The following HMGCLL1 variants were observed in gnomAD, a reference collection of about 807,000 sequenced individuals.
The protein encoded by HMGCLL1 is 3-hydroxy-3-methylglutaryl-CoA lyase like 1.
In HMGCLL1, 36 loss-of-function variants were observed where a neutral mutation model predicts 39.1. The ratio of observed to expected loss-of-function variants is 0.92; its 90% CI spans 0.71 to 1.22. The LOEUF is 1.22. HMGCLL1 is among the 50% of genes most tolerant of loss of function. The probability of loss-of-function intolerance (pLI) is 0.00; values close to 1 mark genes in which losing one functional copy is unlikely to be tolerated. For synonymous variants in HMGCLL1, 149 were observed against 144.0 expected, an observed-to-expected ratio of 1.03 and a Z score of -0.25; for missense variants, 451 against 416.5, an observed-to-expected ratio of 1.08 and a Z score of -0.72.
Position 55,533,690 on chromosome 6 carries a change from T to A in HMGCLL1, c.297+8039A>T, listed in dbSNP as rs563766406. ...TCACGAGGTCAGGAGATCGAGACCA[T>A]CCTGGCTAACACGGTGAAACCCCGT... On this transcript the variant is annotated intron_variant, in intron 3 of 8. Coordinates refer to ENST00000274901, the MANE Select transcript of HMGCLL1 (RefSeq NM_001042406.2). Among the ~76,000 whole-genome samples the A allele has an allele frequency of 7.2e-4, 109 of 150,878 alleles. 1 individual carries two copies. The highest frequency in any genetic ancestry group is 1.1e-3 in the Admixed American group (17 of 15,092).
At chr6:55,653,911 G>A in the HMGCLL1 span, among the ~76,000 whole-genome samples, 1 of 151,992 alleles carries the variant, frequency 6.6e-6, no homozygotes, top group Non-Finnish European at 1.5e-5. Flanking sequence ...AAAACAGTTT[G>A]AAGAAAGTCT....
At chr6:55,452,798 T>A (rs1764158935) in intron 7 of HMGCLL1, among the ~76,000 whole-genome samples, 1 of 152,210 alleles carries the variant, frequency 6.6e-6, no homozygotes, top group African/African-American at 2.4e-5. Context: ...AGTTGGCTAC[T>A]GTTGCTGGGA....
At chr6:55,460,253 G>C (rs924466142) in intron 7 of HMGCLL1, among the ~76,000 whole-genome samples, 1 of 151,850 alleles carries the variant, frequency 6.6e-6, no homozygotes, top group Non-Finnish European at 1.5e-5. Flanking sequence ...ATAAAATGAA[G>C]TACCATAAAG....
chr6:55,486,295 C>A (rs1043463261), intron 7 of HMGCLL1, among the ~76,000 whole-genome samples: 9 of 151,988 alleles, frequency 5.9e-5, no homozygotes, highest in African/African-American at 2.2e-4. Flanking sequence ...TCCACTACAA[C>A]TGCTTTGGTC....
chr6:55,480,381 T>A (rs1331848653), intron 7 of HMGCLL1, among the ~76,000 whole-genome samples: 1 of 151,622 alleles, frequency 6.6e-6, no homozygotes, highest in East Asian at 1.9e-4. Flanking sequence ...GTTCTCAACA[T>A]AACTGATCAT....
intron 7 of HMGCLL1, among the ~76,000 whole-genome samples, chr6:55,440,889 T>A (rs779409219): frequency 3.2e-4 from 49 of 152,170 alleles, no homozygotes; most frequent in Non-Finnish European, 6.2e-4. Flanking sequence ...TGATAAACTT[T>A]TAATTTTAAA....
the HMGCLL1 span, among the ~76,000 whole-genome samples, chr6:55,598,373 T>A: frequency 3.3e-5 from 5 of 152,190 alleles, no homozygotes; most frequent in Non-Finnish European, 7.3e-5. Context: ...ATCACTTAAA[T>A]GCCAACAGTA....
chr6:55,473,172 T>C (rs921473827), intron 7 of HMGCLL1, among the ~76,000 whole-genome samples: 1 of 151,272 alleles, frequency 6.6e-6, no homozygotes, highest in Non-Finnish European at 1.5e-5. Flanking sequence ...AGATAACAAA[T>C]AGTTGGGTCT....
the HMGCLL1 span, among the ~76,000 whole-genome samples, chr6:55,671,797 T>C: frequency 1.3e-5 from 2 of 151,756 alleles, no homozygotes; most frequent in African/African-American, 4.8e-5. Flanking sequence ...CTTCTTCTGG[T>C]TGATATAGTC....
chr6:55,635,957 C>T, the HMGCLL1 span, among the ~76,000 whole-genome samples: 1 of 152,134 alleles, frequency 6.6e-6, no homozygotes, highest in Admixed American at 6.6e-5. Context: ...ATCGCCCACC[C>T]TCTGACCCAG....
At chr6:55,513,708 G>A (rs557913669) in intron 5 of HMGCLL1, 4 of 277,614 alleles carry the variant, frequency 1.4e-5, no homozygotes, top group African/African-American at 8.7e-5. Flanking sequence ...TTTTCCAAAA[G>A]CTGTTGTGAG....
At position 55,524,240 on chromosome 6, in the gene HMGCLL1, C is replaced by T. The variant is rs77719704; in HGVS notation, c.298-7637G>A. On this transcript the variant is annotated intron_variant, in intron 3 of 8. Transcript: ENST00000274901. ...TCATAGTGTTGACCTTAGAAAGAGA[C>T]GAACAAAGAATGTATAGTCACAAAA... Among the ~76,000 whole-genome samples, 689 of 151,340 alleles carry T rather than the reference C, an allele frequency of 4.6e-3. 6 individuals carry two copies. Among genetic ancestry groups the T allele is most frequent in the African/African-American group, 0.016 (651 of 41,228 alleles).
rs1274337126 is a variant in HMGCLL1, at chr6:55,477,422, T to A, written c.795+17997A>T. On this transcript the variant is annotated intron_variant, in intron 7 of 8. Transcript: ENST00000274901. ...TATATTATCTAAATATATATTATCT[T>A]AATATATATTATATATTATATATAT... Among the ~76,000 whole-genome samples, 2 of 25,142 alleles carry A rather than the reference T, an allele frequency of 8.0e-5. 1 individual carries two copies. Among genetic ancestry groups the A allele is most frequent in the East Asian group, 3.1e-3 (2 of 650 alleles). The allele number at this position is 25,142 out of a possible 152,430, so 16.5% of individuals were successfully genotyped here. A position where few individuals can be genotyped will look rare whatever the true frequency, so the allele number is the denominator to read the frequency against.
chr6:55,642,547 A>G, the HMGCLL1 span, among the ~76,000 whole-genome samples: 1 of 152,146 alleles, frequency 6.6e-6, no homozygotes, highest in Non-Finnish European at 1.5e-5. Flanking sequence ...TAATAATCAC[A>G]TCATGGGAAA....
chr6:55,444,107 T>G (rs946623706), intron 7 of HMGCLL1, among the ~76,000 whole-genome samples: 1 of 152,110 alleles, frequency 6.6e-6, no homozygotes, highest in Non-Finnish European at 1.5e-5. Flanking sequence ...CATTTCCATA[T>G]ATACATTATA....
At chr6:55,533,650 G>A (rs926794125) in intron 3 of HMGCLL1, among the ~76,000 whole-genome samples, 1 of 151,886 alleles carries the variant, frequency 6.6e-6, no homozygotes, top group Non-Finnish European at 1.5e-5. Flanking sequence ...ACTTTGGGAG[G>A]CCGAGGCGGG....
At chr6:55,664,388 T>A in the HMGCLL1 span, among the ~76,000 whole-genome samples, 1 of 151,772 alleles carries the variant, frequency 6.6e-6, no homozygotes, top group Non-Finnish European at 1.5e-5. Flanking sequence ...CAGCATTTGC[T>A]GATCTGAAAA....
chr6:55,485,765 C>T (rs1765992742), intron 7 of HMGCLL1, among the ~76,000 whole-genome samples: 1 of 151,768 alleles, frequency 6.6e-6, no homozygotes, highest in Admixed American at 6.6e-5. Context: ...ATCGAGTTGG[C>T]ATACATTTTA....
the HMGCLL1 span, among the ~76,000 whole-genome samples, chr6:55,654,578 A>C: frequency 6.6e-6 from 1 of 151,840 alleles, no homozygotes; most frequent in Non-Finnish European, 1.5e-5. Flanking sequence ...AGGTGATTTC[A>C]ACACCATTGA....
Sources: allele counts gnomAD v4.1 joint callset (sites outside exome capture counted in the v4.1 genomes callset), GRCh38; gene constraint gnomAD v4.1.1; transcripts MANE v1.5; gene names NCBI Gene and HGNC (gene_info 2026-07-23, HGNC 2026-07-21).